COL6A5: variants seen among roughly 807,000 people sequenced by gnomAD.
The protein encoded by COL6A5 is collagen alpha-5(VI) chain.
In COL6A5, 48 loss-of-function variants were observed where a neutral mutation model predicts 65.6. The observed-to-expected ratio is 0.73, with a 90% CI of 0.58 to 0.93. The LOEUF is 0.93. COL6A5 is among the 40% of genes least tolerant of loss of function. The pLI is 0.00. For missense variants in COL6A5, 914 were observed against 928.3 expected (o/e 0.98, Z 0.20); for synonymous variants, 291 against 322.8 (o/e 0.90, Z 1.05).
chr3:130,391,461 C>T, exon 7 of COL6A5: 5 of 1,551,700 alleles, frequency 3.2e-6, no homozygotes, highest in Non-Finnish European at 4.4e-6. Context: ...CTCAAGCACG[C>T]AAATGCCCTG....
chr3:130,407,485 C>A (rs1357674311), intron 17 of COL6A5, among the ~76,000 whole-genome samples: 6 of 152,188 alleles, frequency 3.9e-5, no homozygotes, highest in Non-Finnish European at 8.8e-5. Flanking sequence ...AGATGAGAGG[C>A]AGATCTGTAG....
chr3:130,379,486 G>C (rs1002571005), exon 4 of COL6A5: 1 of 1,551,324 alleles, frequency 6.4e-7, no homozygotes, highest in Middle Eastern at 1.7e-4. Context: ...TGAGTCACTT[G>C]GGACCGGAGG....
At chr3:130,390,924 A>G (rs1936373853) in intron 6 of COL6A5, among the ~76,000 whole-genome samples, 1 of 152,234 alleles carries the variant, frequency 6.6e-6, no homozygotes, top group African/African-American at 2.4e-5. Context: ...GTGGTGTGGC[A>G]TAAGGACCAG....
At chr3:130,416,847 T>A in intron 24 of COL6A5, 28 bp downstream of exon 24, 1 of 1,172,018 alleles carries the variant, frequency 8.5e-7, no homozygotes, top group Non-Finnish European at 1.2e-6. Flanking sequence ...TTTTTAATTC[T>A]TTTAAAAACA....
intron 5 of COL6A5, among the ~76,000 whole-genome samples, chr3:130,387,773 A>T (rs934429003): frequency 6.6e-6 from 1 of 152,096 alleles, no homozygotes; most frequent in African/African-American, 2.4e-5. Context: ...GACTAAAAAG[A>T]TACATGCTAA....
At chr3:130,451,049 C>T (rs987008195) in intron 4 of COL6A5, among the ~76,000 whole-genome samples, 4 of 152,064 alleles carry the variant, frequency 2.6e-5, no homozygotes, top group Admixed American at 2.0e-4. Context: ...GACCTCCATA[C>T]AAAAAGTTTG....
Position 130,433,029 on chromosome 3 carries a change from TAA to T in COL6A5, c.487+1085_487+1086del, listed in dbSNP as rs141592186. On this transcript the variant is annotated intron_variant, in intron 1 of 7. Coordinates refer to ENST00000512836, the Ensembl canonical transcript of COL6A5. ...AAGAGATTATAAAGGTCTATTTTTATAAAAAATGTACAATTTCTACCATATAA... is the reference window on the plus strand; with the variant it reads ...AAGAGATTATAAAGGTCTATTTTTATAAAATGTACAATTTCTACCATATAA... Among the ~76,000 whole-genome samples the T allele has an allele frequency of 2.1e-3, 324 of 152,258 alleles. 1 individual carries two copies. Among genetic ancestry groups the T allele is most frequent in the Non-Finnish European group, 4.1e-3 (281 of 68,018 alleles).
intron 8 of COL6A5, among the ~76,000 whole-genome samples, chr3:130,397,309 G>C (rs1273226465): frequency 6.6e-6 from 1 of 152,006 alleles, no homozygotes; most frequent in Non-Finnish European, 1.5e-5. Flanking sequence ...GCTATTGGAA[G>C]TTTTAATATT....
Position 130,393,077 on chromosome 3 carries a change from TG to T in COL6A5, c.2992+1324del, listed in dbSNP as rs762490071. 8.7e-3 allele frequency among the ~76,000 whole-genome samples: 633 copies of T among 73,110 alleles called. 12 individuals are homozygous for T. The highest frequency in any genetic ancestry group is 0.019 in the South Asian group (38 of 1,974). The allele number at this position is 73,110 out of a possible 152,430, so 48.0% of individuals were successfully genotyped here. On this transcript the variant is annotated intron_variant and NMD_transcript_variant, in intron 7 of 41. Transcript: ENST00000312481. ...TCTTCTGCTTACAGTGTTTTTTTTT[TG>T]TGTGTGTGTGTGTGTGTGTGTGTGT...
intron 3 of COL6A5, 105 bp downstream of exon 3, chr3:130,376,941 T>A: frequency 2.3e-6 from 3 of 1,295,722 alleles, no homozygotes; most frequent in Non-Finnish European, 2.1e-6. Context: ...TTAGCCATGT[T>A]GAAGTATTGG....
exon 1 of COL6A5, chr3:130,345,964 T>C (rs6797052): frequency 0.73 from 288,975 of 398,432 alleles, 113,414 homozygotes; most frequent in Non-Finnish European, 0.84. Flanking sequence ...GAGTGTCCCC[T>C]GACCCCGGGA....
chr3:130,472,760 C>T (rs779159902), intron 7 of COL6A5, among the ~76,000 whole-genome samples: 1 of 146,220 alleles, frequency 6.8e-6, no homozygotes. Context: ...AATTTTGGGA[C>T]ATTTATATAA....
At chr3:130,441,185 T>G (rs1449141855) in intron 3 of COL6A5, among the ~76,000 whole-genome samples, 1 of 152,158 alleles carries the variant, frequency 6.6e-6, no homozygotes, top group Non-Finnish European at 1.5e-5. Context: ...CTGTTTTATT[T>G]CCAACTTTGG....
intron 26 of COL6A5, 43 bp from the exon 27 acceptor site, chr3:130,421,282 A>G: frequency 6.5e-7 from 1 of 1,548,440 alleles, no homozygotes; most frequent in Non-Finnish European, 8.7e-7. Context: ...ATACTGCAGA[A>G]GTGATATGTT....
exon 6 of COL6A5, chr3:130,468,887 C>T: frequency 6.2e-7 from 1 of 1,611,988 alleles, no homozygotes; most frequent in East Asian, 2.2e-5. Flanking sequence ...TGTGGCTTTC[C>T]TCATAGATGC....
chr3:130,455,507 C>G, exon 5 of COL6A5: 9 of 1,612,590 alleles, frequency 5.6e-6, no homozygotes, highest in Non-Finnish European at 6.8e-6. Flanking sequence ...CTTCATTGGC[C>G]AAGAATTAAA....
chr3:130,352,697 A>G (rs2107613423), intron 1 of COL6A5, among the ~76,000 whole-genome samples: 1 of 152,296 alleles, frequency 6.6e-6, no homozygotes, highest in East Asian at 1.9e-4. Flanking sequence ...TCCTTAGTGG[A>G]GAGGGGGCAA....
chr3:130,456,878 T>C (rs1156641784), intron 5 of COL6A5, among the ~76,000 whole-genome samples: 1 of 152,056 alleles, frequency 6.6e-6, no homozygotes, highest in Non-Finnish European at 1.5e-5. Context: ...TTCTAAAATA[T>C]AAATACTCGA....
At chr3:130,429,773 T>G (rs1342892022), upstream of COL6A5, among the ~76,000 whole-genome samples, 1 of 152,172 alleles carries the variant, frequency 6.6e-6, no homozygotes, top group African/African-American at 2.4e-5. Context: ...GGTGACTGAA[T>G]CCCAGCCCCT....
Sources: gnomAD v4.1 joint callset for allele counts (sites outside exome capture counted in the v4.1 genomes callset) on GRCh38, gnomAD v4.1.1 for gene constraint, MANE v1.5 for transcripts, NCBI Gene and HGNC (gene_info 2026-07-23, HGNC 2026-07-21) for gene names.